KLRC2: variants seen among roughly 807,000 people sequenced by gnomAD.
KLRC2 encodes NKG2-C type II integral membrane protein.
A neutral mutation model predicts 25.5 loss-of-function variants in KLRC2; 10 were observed. The observed-to-expected ratio is 0.39, with a 90% CI of 0.24 to 0.67. The LOEUF is 0.67. KLRC2 is among the 30% of genes least tolerant of loss of function. The pLI, the probability that KLRC2 is intolerant of heterozygous loss-of-function variation, is 0.45. For synonymous variants in KLRC2, 48 were observed against 93.3 expected (o/e 0.51, Z 2.80); for missense variants, 170 against 272.8 (o/e 0.62, Z 2.65).
chr12:10,431,236 G>A lies in KLRC2; in HGVS notation c.585-8C>T, dbSNP rs1863808586. The A allele has an allele frequency of 6.5e-7, 1 of 1,532,488 alleles. No homozygotes were observed. Among genetic ancestry groups the A allele is most frequent in the South Asian group, 1.1e-5 (1 of 88,710 alleles). The allele number at this position is 1,532,488 out of a possible 1,614,324, so 94.9% of individuals were successfully genotyped here. ...TTATCTGAGTCTTTTATCCTGTAAT[G>A]GAGAAAAATCCATTTTCTGTTACAT... On this transcript the variant is annotated splice_region_variant and splice_polypyrimidine_tract_variant and intron_variant, in intron 5 of 5. Transcript: ENST00000381902.
rs766134546 is a variant in KLRC2, at chr12:10,432,221, A to G, written c.484-15T>C. The G allele has an allele frequency of 2.6e-5, 34 of 1,322,166 alleles. 1 individual carries two copies. The Admixed American group carries it at 7.1e-4, about 28-fold the overall frequency. 81.9% of individuals were successfully genotyped at this position (1,322,166 alleles called of 1,614,324 possible). On this transcript the variant is annotated splice_polypyrimidine_tract_variant and intron_variant, in intron 4 of 5. Transcript: ENST00000381902. ...GCCAGAAATTTCTAAAAGAAAAGAA[A>G]TAATTTTCACTTAAATAATAATTAT...
chr12:10,432,161 G>A lies in KLRC2; in HGVS notation c.529C>T (p.Arg177Cys), dbSNP rs375539764. Reference protein sequence around the residue: ...ILPSSWIGVFRNSSHHPWVTI... With the variant: ...ILPSSWIGVFCNSSHHPWVTI... ...ACCCATGGATGATGACTGCTGTTAC[G>A]AAACACACCAATCCATGAGGAAGGT... Residue 177 changes from arginine (R) to cysteine (C), a missense_variant, in exon 5 of 6, where the codon CGT (arginine) becomes TGT (cysteine). Physicochemically the swap from Arg to Cys is radical, Grantham distance 180. This residue lies in a region of KLRC2 where 129 missense variants were observed against 150.2 expected (regional missense o/e 0.86). Coordinates refer to ENST00000381902, the MANE Select transcript of KLRC2 (RefSeq NM_002260.4). 46 of 1,519,726 alleles carry A rather than the reference G, an allele frequency of 3.0e-5. 9 individuals carry two copies. The highest frequency in any genetic ancestry group is 3.5e-4 in the Middle Eastern group (2 of 5,704). 94.1% of individuals were successfully genotyped at this position (1,519,726 alleles called of 1,614,324 possible).
chr12:10,432,881 A>G (rs1198884554), intron 4 of KLRC2, among the ~76,000 whole-genome samples: 2 of 137,548 alleles, frequency 1.5e-5, no homozygotes, highest in African/African-American at 5.6e-5. Flanking sequence ...ACGACAGAAG[A>G]AGGTGACCTA....
chr12:10,433,872 T>C lies in KLRC2; in HGVS notation c.402A>G (p.Glu134=). 6.4e-7 allele frequency: 1 copy of C among 1,550,744 alleles called. No homozygotes were observed. Among genetic ancestry groups the C allele is most frequent in the Non-Finnish European group, 8.8e-7 (1 of 1,136,306 alleles). The change falls in exon 4 of 6, where the codon GAA becomes GAG. Residue 134 remains glutamate (E), a synonymous_variant. Transcript: ENST00000381902. Reference sequence around the variant, plus strand: ...GCAAACTCTCTTCCCAAGTTCTTCTTTCCTTACCAATGTAATAACAACTGT... The same window carrying C: ...GCAAACTCTCTTCCCAAGTTCTTCTCTCCTTACCAATGTAATAACAACTGT... ...YSNSCYYIGK[E]RRTWEESLLA...
chr12:10,431,098 A>C lies in KLRC2; in HGVS notation c.*19T>G, dbSNP rs1565506503. ...ATATAAAATGTATCTGATGCACTGC[A>C]AACGCAAATGCTTTACTTCTAAAGC... On this transcript the variant is annotated 3_prime_UTR_variant, in exon 6 of 6. Coordinates refer to ENST00000381902, the MANE Select transcript of KLRC2 (RefSeq NM_002260.4). 9.1e-6 allele frequency: 13 copies of C among 1,432,222 alleles called. 2 individuals carry two copies. Among genetic ancestry groups the C allele is most frequent in the Non-Finnish European group, 1.3e-5 (13 of 1,035,188 alleles). 88.7% of individuals were successfully genotyped at this position (1,432,222 alleles called of 1,614,324 possible).
At chr12:10,431,360 A>T in intron 5 of KLRC2, 132 bp from the exon 6 acceptor site, 11 of 1,120,716 alleles carry the variant, frequency 9.8e-6, no homozygotes, top group Non-Finnish European at 1.4e-5. Context: ...TATTAGTAAG[A>T]GTCATTATTC....
At chr12:10,433,627 G>A (rs1863837824) in intron 4 of KLRC2, among the ~76,000 whole-genome samples, 164 bp downstream of exon 4, 1 of 142,230 alleles carries the variant, frequency 7.0e-6, no homozygotes, top group Non-Finnish European at 1.5e-5. Context: ...ATGTACATTA[G>A]CAGTATATAA....
Position 10,433,729 on chromosome 12 carries a change from T to A in KLRC2, c.483+62A>T, listed in dbSNP as rs553676594. The A allele has an allele frequency of 6.8e-5, 99 of 1,460,122 alleles. 16 individuals are homozygous for A. In the African/African-American group the frequency reaches 1.3e-3, roughly 20 times the overall value. 90.4% of individuals were successfully genotyped at this position (1,460,122 alleles called of 1,614,324 possible). ...TATGTACACACATATGGATGTTTTC[T>A]ACAAATGTATTATTCACTGAAGGAA... is the stretch of plus-strand genomic sequence containing the variant. On this transcript the variant is annotated intron_variant, in intron 4 of 5. Transcript: ENST00000381902.
Position 10,435,923 on chromosome 12 carries a change from T to C in KLRC2, c.64A>G (p.Arg22Gly). The C allele has an allele frequency of 1.2e-6, 2 of 1,605,460 alleles. No individual in the cohort carries two copies. The highest frequency in any genetic ancestry group is 1.7e-6 in the Non-Finnish European group (2 of 1,176,052). The change falls in exon 1 of 6, where the codon AGG becomes GGG. Residue 22 changes from arginine to glycine, a missense_variant. Physicochemically the swap from Arg to Gly is moderately radical, Grantham distance 125. Around this residue, in one of 3 missense-constraint regions of KLRC2, gnomAD observed 37 missense variants for 68.0 expected, o/e 0.54. Coordinates refer to ENST00000381902, the MANE Select transcript of KLRC2 (RefSeq NM_002260.4). ...GAGCTTTTATTGCCTTTAGGTTTCCTTTGCTGCCGCTTTGGGTCCTGGGCC... is the reference window on the plus strand; with the variant it reads ...GAGCTTTTATTGCCTTTAGGTTTCCCTTGCTGCCGCTTTGGGTCCTGGGCC... ...SLAQDPKRQQ[R>G]KPKGNKSSIS...
intron 1 of KLRC2, 74 bp downstream of exon 1, chr12:10,435,726 A>T: frequency 1.4e-6 from 2 of 1,434,276 alleles, no homozygotes; most frequent in South Asian, 1.2e-5. Flanking sequence ...AATATTCCCT[A>T]ATCTTTCCTC....
Position 10,432,075 on chromosome 12 carries a change from T to G in KLRC2, c.584+31A>C, listed in dbSNP as rs557188617. Reference sequence around the variant, plus strand: ...TTCTGAATTTATCCTTTATATATATTTTTTATATAGCGCCATACAAAAGAA... The same window carrying G: ...TTCTGAATTTATCCTTTATATATATGTTTTATATAGCGCCATACAAAAGAA... On this transcript the variant is annotated intron_variant, in intron 5 of 5. Coordinates refer to ENST00000381902, the MANE Select transcript of KLRC2 (RefSeq NM_002260.4). 780 of 1,391,160 alleles carry G rather than the reference T, an allele frequency of 5.6e-4. 82 individuals are homozygous for G. The South Asian group carries it at 8.6e-3, about 15-fold the overall frequency. The allele number at this position is 1,391,160 out of a possible 1,614,324, so 86.2% of individuals were successfully genotyped here.
At chr12:10,435,455 G>C (rs1409950561) in intron 1 of KLRC2, 45 bp from the exon 2 acceptor site, 1 of 1,545,492 alleles carries the variant, frequency 6.5e-7, no homozygotes, top group African/African-American at 1.4e-5. Context: ...GAGATAGAGA[G>C]TTGATTAGGA....
intron 2 of KLRC2, chr12:10,434,877 A>G: frequency 2.9e-6 from 1 of 340,808 alleles, no homozygotes; most frequent in Non-Finnish European, 5.6e-6. Context: ...ACACACAAAA[A>G]ATAAACACAT....
At position 10,431,560 on chromosome 12, in the gene KLRC2, A is replaced by C. The variant is rs796754666; in HGVS notation, c.585-332T>G. The stretch of plus-strand genomic sequence containing the variant: ...GATTGACAACAATAACTAATAATAA[A>C]AAAATTATAGCAATATGCCAACAGC... On this transcript the variant is annotated intron_variant, in intron 5 of 5. Transcript: ENST00000381902. Among the ~76,000 whole-genome samples, 7 of 141,766 alleles carry C rather than the reference A, an allele frequency of 4.9e-5. 2 individuals are homozygous for C. The highest frequency in any genetic ancestry group is 1.6e-4 in the African/African-American group (6 of 37,026). 93.0% of individuals were successfully genotyped at this position (141,766 alleles called of 152,430 possible).
chr12:10,433,010 C>G (rs1863831323), intron 4 of KLRC2, among the ~76,000 whole-genome samples: 3 of 140,948 alleles, frequency 2.1e-5, no homozygotes, highest in Admixed American at 2.1e-4. Context: ...AGGAGACCTG[C>G]TACCAATATG....
At position 10,435,824 on chromosome 12, in the gene KLRC2, T is replaced by G. The variant is rs760318851; in HGVS notation, c.163A>C (p.Ile55Leu). The G allele has an allele frequency of 6.5e-7, 1 of 1,549,324 alleles. No homozygotes were observed. Among genetic ancestry groups the G allele is most frequent in the South Asian group, 1.1e-5 (1 of 89,004 alleles). The change falls in exon 1 of 6, where the codon ATT becomes CTT. Residue 55 changes from isoleucine (I) to leucine (L), a missense_variant. By Grantham distance (5) the Ile-to-Leu change is conservative (BLOSUM62 2). Transcript: ENST00000381902. ...LQNPSLNHQG[I>L]DKIYDCQGLL... ...CCTTGGCAGTCATATATTTTATCAA[T>G]CCCTTGATGATTCAGGGAAGGATTT...
chr12:10,432,022 A>T (rs1863822100), intron 5 of KLRC2, 84 bp downstream of exon 5: 1 of 1,104,676 alleles, frequency 9.1e-7, no homozygotes, highest in Non-Finnish European at 1.3e-6. Context: ...CATGTCAATG[A>T]TTCCACATAA....
Position 10,433,917 on chromosome 12 carries a change from C to T in KLRC2, c.357G>A (p.Glu119=), listed in dbSNP as rs776132872. ...AACTGTTGGAATATGTAATCCACTCCTCAGGACAATGGCCACAATGACGTG... is the reference window on the plus strand; with the variant it reads ...AACTGTTGGAATATGTAATCCACTCTTCAGGACAATGGCCACAATGACGTG... The part of the protein sequence containing the change: ...QKARHCGHCP[E]EWITYSNSCY... The change falls in exon 4 of 6, where the codon GAG becomes GAA. Residue 119 remains glutamate, a synonymous_variant. Coordinates refer to ENST00000381902, the MANE Select transcript of KLRC2 (RefSeq NM_002260.4). 5.2e-6 allele frequency: 8 copies of T among 1,549,870 alleles called. 3 individuals are homozygous for T. In the South Asian group the frequency reaches 6.8e-5, roughly 13 times the overall value.
rs1863813418 is a variant in KLRC2, at chr12:10,431,416, T to G, written c.585-188A>C. ...CCCTCTTCATCCACGAGGGATATGT[T>G]TCAAGACCCCAGTGGATGCCTGAAA... On this transcript the variant is annotated intron_variant, in intron 5 of 5. Coordinates refer to ENST00000381902, the MANE Select transcript of KLRC2 (RefSeq NM_002260.4). 3.0e-6 allele frequency: 2 copies of G among 663,918 alleles called. 1 individual carries two copies. Among genetic ancestry groups the G allele is most frequent in the Non-Finnish European group, 5.0e-6 (2 of 396,376 alleles). 41.1% of individuals were successfully genotyped at this position (663,918 alleles called of 1,614,324 possible).
Sources: allele counts gnomAD v4.1 joint callset (sites outside exome capture counted in the v4.1 genomes callset), GRCh38; gene constraint gnomAD v4.1.1; regional missense constraint gnomAD v4.1.1; transcripts MANE v1.5; gene names NCBI Gene and HGNC (gene_info 2026-07-23, HGNC 2026-07-21).